Variants in CDH23 observed in about 807,000 individuals in gnomAD.
CDH23 encodes the protein cadherin related 23, also known as cadherin-23.
Under a neutral mutation model 317.1 loss-of-function variants are expected in CDH23, and 189 were observed. The ratio of observed to expected loss-of-function variants is 0.60; its 90% CI spans 0.53 to 0.67. The LOEUF (loss-of-function observed/expected upper bound fraction) is 0.67. Among genes scored for constraint, CDH23 ranks in the 30% least tolerant of loss-of-function variants. The pLI, the probability that CDH23 is intolerant of heterozygous loss-of-function variation, is 0.00. For missense variants in CDH23, 4,401 were observed against 4,592.4 expected (o/e 0.96, Z 1.20); for synonymous variants, 1,839 against 1,876.8 (o/e 0.98, Z 0.52).
In CDH23 at chr10:71,416,749, C is replaced by A. The variant is rs531344710; in HGVS notation, c.-6+19431C>A. Among the ~76,000 whole-genome samples the A allele has an allele frequency of 7.2e-5, 11 of 152,204 alleles. No individual in the cohort carries two copies. The South Asian group carries it at 1.9e-3, about 26-fold the overall frequency. On this transcript the variant is annotated intron_variant, in intron 1 of 69. Transcript: ENST00000224721. The stretch of plus-strand genomic sequence containing the variant: ...GTGGTGTGATCATAGGTCACTGCAA[C>A]CTTGAACTCCTGGGCTCAAGCGATC...
In CDH23 at chr10:71,803,008, G is replaced by A. The variant is rs1240459613; in HGVS notation, c.7593G>A (p.Met2531Ile). ...CGGCGGGCACCTCGGTCATCACCAT[G>A]ATGGCCACTGACCAGGATGAAGGTC... ...NEPAGTSVIT[M>I]MATDQDEGPN... Residue 2531 changes from methionine (M) to isoleucine (I), a missense_variant, in exon 54 of 70, where the codon ATG becomes ATA. This residue lies in a region of CDH23 where 189 missense variants were observed against 250.9 expected (regional missense o/e 0.75). Transcript: ENST00000224721. The A allele has an allele frequency of 6.2e-7, 1 of 1,614,010 alleles. No individual in the cohort carries two copies. Among genetic ancestry groups the A allele is most frequent in the African/African-American group, 1.3e-5 (1 of 75,042 alleles).
intron 12 of CDH23, chr10:71,645,528 G>A: frequency 1.8e-6 from 1 of 541,384 alleles, no homozygotes; most frequent in Middle Eastern, 2.8e-4. Flanking sequence ...GGGGTCACTG[G>A]GACAGAGAAA....
At chr10:71,457,206 G>A (rs1850738127) in intron 3 of CDH23, among the ~76,000 whole-genome samples, 1 of 152,200 alleles carries the variant, frequency 6.6e-6, no homozygotes, top group South Asian at 2.1e-4. Context: ...CCAGCTGTGA[G>A]GCAAGCAATT....
intron 3 of CDH23, among the ~76,000 whole-genome samples, chr10:71,490,101 C>T (rs1002560868): frequency 6.6e-6 from 1 of 152,006 alleles, no homozygotes; most frequent in Non-Finnish European, 1.5e-5. Context: ...TTTCTGGGCC[C>T]CGGGGACTGT....
intron 11 of CDH23, among the ~76,000 whole-genome samples, chr10:71,631,168 C>T (rs7094964): frequency 0.033 from 5,089 of 152,138 alleles, 308 homozygotes; most frequent in African/African-American, 0.12. Flanking sequence ...CGCTTCAGCC[C>T]GGAGATTTAG....
chr10:71,427,449 T>G (rs1589293098), intron 1 of CDH23, among the ~76,000 whole-genome samples: 1 of 152,168 alleles, frequency 6.6e-6, no homozygotes, highest in African/African-American at 2.4e-5. Context: ...GTTCTCAGGG[T>G]TCATCCTTGT....
In CDH23 at chr10:71,751,924, GC is replaced by G; in HGVS notation, c.4845+10008del. The G allele has an allele frequency of 6.7e-7, 1 of 1,482,778 alleles. No individual in the cohort carries two copies. Among genetic ancestry groups the G allele is most frequent in the Non-Finnish European group, 9.1e-7 (1 of 1,093,680 alleles). 91.9% of individuals were successfully genotyped at this position (1,482,778 alleles called of 1,614,324 possible). ...CCGGAGCGTGAACTCTGCCCTCCCT[GC>G]CCCCAGTTTTTCTCTCCTCCCTTTC... On this transcript the variant is annotated intron_variant, in intron 38 of 69. Coordinates refer to ENST00000224721, the MANE Select transcript of CDH23 (RefSeq NM_022124.6). The surrounding 1 kb of genome is among the most constrained non-coding windows in gnomAD (Gnocchi z 4.9).
chr10:71,551,578 T>A (rs1255533005), intron 6 of CDH23, among the ~76,000 whole-genome samples: 1 of 152,190 alleles, frequency 6.6e-6, no homozygotes, highest in Non-Finnish European at 1.5e-5. Context: ...TGGTCAAGCC[T>A]GATCTTAACA....
At chr10:71,759,982 T>C (rs1272357028) in intron 38 of CDH23, among the ~76,000 whole-genome samples, 1 of 64,496 alleles carries the variant, frequency 1.6e-5, no homozygotes, top group African/African-American at 4.6e-5. Context: ...CACACACACA[T>C]ATATATACAC....
chr10:71,736,115 TCCTC>T (rs1274613625), intron 34 of CDH23, among the ~76,000 whole-genome samples: 1 of 152,228 alleles, frequency 6.6e-6, no homozygotes, highest in Non-Finnish European at 1.5e-5. Flanking sequence ...GCCAGCCACT[TCCTC>T]AGCACGGCTG....
At chr10:71,704,822 CT>C in intron 24 of CDH23, 88 bp from the exon 25 acceptor site, 1 of 1,039,204 alleles carries the variant, frequency 9.6e-7, no homozygotes, top group Non-Finnish European at 1.5e-6. Context: ...CCAAGTGTGG[CT>C]TGGCAGGGAG....
intron 8 of CDH23, among the ~76,000 whole-genome samples, chr10:71,575,864 G>A (rs1858154052): frequency 6.6e-6 from 1 of 152,238 alleles, no homozygotes; most frequent in Non-Finnish European, 1.5e-5. Context: ...TTCTCATAAT[G>A]TTTCCAGTCT....
At chr10:71,433,455 C>T (rs908328913) in intron 1 of CDH23, among the ~76,000 whole-genome samples, 1 of 152,172 alleles carries the variant, frequency 6.6e-6, no homozygotes, top group African/African-American at 2.4e-5. Flanking sequence ...GTCCAGTTGC[C>T]TCAGCTCAGG....
chr10:71,403,497 CCTTCCTTCCTTT>C (rs1251998966), intron 1 of CDH23, among the ~76,000 whole-genome samples: 2 of 109,234 alleles, frequency 1.8e-5, no homozygotes, highest in African/African-American at 4.2e-5. Flanking sequence ...TTCCTTCCTT[CCTTCCTTCCTTT>C]CTTTCCTTCT....
chr10:71,646,319 A>G, intron 13 of CDH23, 140 bp from the exon 14 acceptor site: 1 of 1,327,546 alleles, frequency 7.5e-7, no homozygotes. Context: ...GGCTCGCAGT[A>G]GCACAGAGCT....
intron 26 of CDH23, among the ~76,000 whole-genome samples, chr10:71,708,371 GCTGGTGCCGTGGCGCCCT>G (rs1256272334): frequency 1.1e-4 from 16 of 152,198 alleles, no homozygotes; most frequent in African/African-American, 3.4e-4. Flanking sequence ...TCACCACAAA[GCTGGTGCCGTGGCGCCCT>G]CTGCTGCCCA....
intron 6 of CDH23, among the ~76,000 whole-genome samples, chr10:71,527,816 C>T (rs964563903): frequency 6.6e-6 from 1 of 152,204 alleles, no homozygotes; most frequent in African/African-American, 2.4e-5. Flanking sequence ...CACTTAGGAA[C>T]AGGACTTGCC....
intron 38 of CDH23, chr10:71,760,864 T>C: frequency 6.2e-7 from 1 of 1,613,096 alleles, no homozygotes; most frequent in African/African-American, 1.3e-5. Context: ...GGTTGGTCCC[T>C]TACTTTCACT....
intron 6 of CDH23, among the ~76,000 whole-genome samples, chr10:71,539,422 G>A (rs1855872909): frequency 6.6e-6 from 1 of 152,076 alleles, no homozygotes; most frequent in South Asian, 2.1e-4. Context: ...GCAGGGCCAG[G>A]GGAGGACCAC....
Sources: allele counts gnomAD v4.1 joint callset (sites outside exome capture counted in the v4.1 genomes callset), GRCh38; gene constraint gnomAD v4.1.1; regional missense constraint gnomAD v4.1.1; non-coding constraint Gnocchi (gnomAD v3.1); transcripts MANE v1.5; gene names NCBI Gene and HGNC (gene_info 2026-07-23, HGNC 2026-07-21).